The following NRP2 variants were observed in gnomAD, a reference collection of about 807,000 sequenced individuals.
The protein encoded by NRP2 is neuropilin 2, also known as neuropilin-2.
Under a neutral mutation model 110.4 loss-of-function variants are expected in NRP2, and 52 were observed. The ratio of observed to expected loss-of-function variants is 0.47; its 90% CI spans 0.38 to 0.59. The LOEUF (loss-of-function observed/expected upper bound fraction) is 0.59, where lower values mean the gene tolerates loss of function less well. NRP2 is among the 20% of genes least tolerant of loss of function. The pLI, the probability that NRP2 is intolerant of heterozygous loss-of-function variation, is 0.00. For missense variants in NRP2, 1,049 were observed against 1,203.0 expected (o/e 0.87, Z 1.89); for synonymous variants, 508 against 468.9 (o/e 1.08, Z -1.08).
At chr2:205,770,183 A>G (rs1310749850) in intron 15 of NRP2, among the ~76,000 whole-genome samples, 3 of 152,146 alleles carry the variant, frequency 2.0e-5, no homozygotes, top group African/African-American at 4.8e-5. Flanking sequence ...AGTGGATGCT[A>G]AAAGGAACAT....
chr2:205,696,619 T>TC (rs1208415515), intron 1 of NRP2, among the ~76,000 whole-genome samples: 4 of 152,320 alleles, frequency 2.6e-5, no homozygotes, highest in Admixed American at 6.5e-5. Context: ...TGAAGGTGGC[T>TC]CCCTTCCCTC....
intron 15 of NRP2, among the ~76,000 whole-genome samples, chr2:205,769,834 A>G (rs147998671): frequency 1.3e-5 from 2 of 152,198 alleles, no homozygotes; most frequent in Non-Finnish European, 2.9e-5. Flanking sequence ...AAAGGGGGGA[A>G]AAAGAACCGA....
rs141692435 is a variant in NRP2 at position 205,794,841 on chromosome 2, A to T, written c.2564A>T (p.Tyr855Phe). Residue 855 changes from tyrosine to phenylalanine, a missense_variant, in exon 17 of 17, where the codon TAC becomes TTC. Physicochemically the swap from Tyr to Phe is conservative, Grantham distance 22 (BLOSUM62 3). Coordinates refer to ENST00000357785, the MANE Select transcript of NRP2 (RefSeq NM_003872.3). The part of the protein sequence containing the change: ...PSTDKEKSWL[Y>F]TLDPILITII... ...ACCGACAAAGAAAAGAGCTGGCTGT[A>T]CACCCTGGATCCCATCCTCATCACC... 78 of 1,614,052 alleles carry T rather than the reference A, an allele frequency of 4.8e-5. No individual in the cohort carries two copies. The Middle Eastern group carries it at 4.9e-4, about 10-fold the overall frequency.
chr2:205,763,802 G>C lies in NRP2; in HGVS notation c.2173G>C (p.Gly725Arg). The C allele has an allele frequency of 4.3e-6, 7 of 1,614,106 alleles. No individual in the cohort carries two copies. Among genetic ancestry groups the C allele is most frequent in the Non-Finnish European group, 5.1e-6 (6 of 1,180,004 alleles). Reference protein sequence around the residue: ...CMEFQYQATGGRGVALQVVRE... With the variant: ...CMEFQYQATGRRGVALQVVRE... ...GGAGTTCCAGTACCAGGCCACGGGC[G>C]GCCGCGGGGTGGCGCTGCAGGTGGT... The change falls in exon 13 of 17, where the codon GGC becomes CGC. Residue 725 changes from glycine to arginine, a missense_variant. Coordinates refer to ENST00000357785, the MANE Select transcript of NRP2 (RefSeq NM_003872.3). The surrounding 1 kb of genome is among the most constrained non-coding windows in gnomAD (Gnocchi z 4.0).
intron 2 of NRP2, among the ~76,000 whole-genome samples, chr2:205,708,030 C>T (rs1299501068): frequency 6.6e-6 from 1 of 152,190 alleles, no homozygotes; most frequent in Admixed American, 6.5e-5. Flanking sequence ...CCTGGCCCTG[C>T]TGGGATTCAC....
chr2:205,717,119 C>A (rs116123177), intron 3 of NRP2, among the ~76,000 whole-genome samples: 2 of 144,324 alleles, frequency 1.4e-5, no homozygotes, highest in East Asian at 3.9e-4. Flanking sequence ...CACAAGACCC[C>A]GCTTCATCAG....
At chr2:205,705,507 T>C (rs918587206) in intron 2 of NRP2, among the ~76,000 whole-genome samples, 4 of 152,222 alleles carry the variant, frequency 2.6e-5, no homozygotes, top group Admixed American at 2.0e-4. Context: ...GCCAAGCATC[T>C]TGGCAGTCTC....
At chr2:205,791,075 C>T (rs1226631700) in intron 15 of NRP2, among the ~76,000 whole-genome samples, 1 of 152,202 alleles carries the variant, frequency 6.6e-6, no homozygotes, top group East Asian at 1.9e-4. Flanking sequence ...TCAAATGTGA[C>T]AGTGATGGAT....
intron 1 of NRP2, among the ~76,000 whole-genome samples, chr2:205,691,947 C>T (rs1393694668): frequency 6.6e-6 from 1 of 152,154 alleles, no homozygotes; most frequent in African/African-American, 2.4e-5. Context: ...TTTTTAGAAT[C>T]TAGATTGAGG....
chr2:205,768,225 T>TG (rs1449903157), intron 15 of NRP2: 1 of 152,224 alleles, frequency 6.6e-6, no homozygotes, highest in East Asian at 1.9e-4. Flanking sequence ...TGGTGCTCTC[T>TG]GGGGGTGAGG....
chr2:205,760,292 T>A (rs918794352), intron 12 of NRP2, among the ~76,000 whole-genome samples: 5 of 152,194 alleles, frequency 3.3e-5, no homozygotes, highest in African/African-American at 1.2e-4. Flanking sequence ...CAGGCCTCTG[T>A]CAGTGACAGG....
chr2:205,784,938 C>T (rs994215231), intron 15 of NRP2, among the ~76,000 whole-genome samples: 13 of 152,196 alleles, frequency 8.5e-5, no homozygotes, highest in African/African-American at 2.9e-4. Flanking sequence ...TTAGTAATTA[C>T]GGTCCTTGGC....
intron 16 of NRP2, among the ~76,000 whole-genome samples, chr2:205,794,392 G>A (rs2058333108): frequency 6.6e-6 from 1 of 152,124 alleles, no homozygotes; most frequent in African/African-American, 2.4e-5. Flanking sequence ...TTACAGGCGT[G>A]AGCCACCGCG....
At chr2:205,740,782 G>A in intron 8 of NRP2, 119 bp downstream of exon 8, 2 of 1,150,290 alleles carry the variant, frequency 1.7e-6, no homozygotes, top group Non-Finnish European at 2.5e-6. Context: ...ACTGGCTCAA[G>A]GACTCAAGTC....
At chr2:205,790,116 C>G (rs2058282496) in intron 15 of NRP2, among the ~76,000 whole-genome samples, 1 of 152,150 alleles carries the variant, frequency 6.6e-6, no homozygotes, top group Admixed American at 6.5e-5. Context: ...CCAAGTCAAG[C>G]CACTAAAGTG....
intron 12 of NRP2, chr2:205,762,270 G>A (rs1318266218): frequency 6.6e-6 from 1 of 152,246 alleles, no homozygotes; most frequent in Non-Finnish European, 1.5e-5. Flanking sequence ...ATCCCAGAGA[G>A]CCTAAACAGG....
At chr2:205,752,751 C>A (rs1206553278) in intron 11 of NRP2, 84 bp from the exon 12 acceptor site, 8 of 1,455,088 alleles carry the variant, frequency 5.5e-6, no homozygotes, top group Non-Finnish European at 7.7e-6. Context: ...TCAGGCCTTG[C>A]CAGCCATTTA....
chr2:205,780,595 C>G (rs2058162720), intron 15 of NRP2, among the ~76,000 whole-genome samples: 1 of 152,162 alleles, frequency 6.6e-6, no homozygotes, highest in Non-Finnish European at 1.5e-5. Context: ...TCCCACCAAC[C>G]CCATTCATGG....
chr2:205,730,592 A>G (rs2057218897), intron 7 of NRP2, among the ~76,000 whole-genome samples: 1 of 152,102 alleles, frequency 6.6e-6, no homozygotes, highest in Non-Finnish European at 1.5e-5. Context: ...AGCAGAGGGA[A>G]GGTTTGCAAA....
Sources: allele counts gnomAD v4.1 joint callset (sites outside exome capture counted in the v4.1 genomes callset), GRCh38; gene constraint gnomAD v4.1.1; non-coding constraint Gnocchi (gnomAD v3.1); transcripts MANE v1.5; gene names NCBI Gene and HGNC (gene_info 2026-07-23, HGNC 2026-07-21).